PRICKLE1: variants seen among roughly 807,000 people sequenced by gnomAD.
PRICKLE1 encodes the protein prickle planar cell polarity protein 1, also known as prickle-like protein 1.
A neutral mutation model predicts 70.2 loss-of-function variants in PRICKLE1; 14 were observed. That is an observed-to-expected ratio of 0.20 (90% CI 0.13 to 0.31). PRICKLE1 has a LOEUF of 0.31. Among genes scored for constraint, PRICKLE1 ranks in the 10% least tolerant of loss-of-function variants. The pLI, the probability that PRICKLE1 is intolerant of heterozygous loss-of-function variation, is 1.00. For missense variants in PRICKLE1, 821 were observed against 1,026.2 expected (o/e 0.80, Z 2.73); for synonymous variants, 357 against 379.9 (o/e 0.94, Z 0.70).
chr12:42,488,474 A>G (rs1461880603), intron 1 of PRICKLE1, among the ~76,000 whole-genome samples: 1 of 152,204 alleles, frequency 6.6e-6, no homozygotes. Flanking sequence ...AATGTTTGTT[A>G]CTTTTCATGA....
chr12:42,518,450 A>G (rs531384156), intron 1 of PRICKLE1, among the ~76,000 whole-genome samples: 3 of 152,342 alleles, frequency 2.0e-5, no homozygotes, highest in Admixed American at 2.0e-4. Flanking sequence ...TCTTTCCCTA[A>G]TAAGCACAAA....
At chr12:42,544,318 T>C (rs1940170101) in intron 1 of PRICKLE1, among the ~76,000 whole-genome samples, 1 of 152,256 alleles carries the variant, frequency 6.6e-6, no homozygotes, top group Non-Finnish European at 1.5e-5. Flanking sequence ...TAGCTAATTA[T>C]ATAGTAGATG....
Position 42,561,905 on chromosome 12 carries a change from C to CTT in PRICKLE1, c.-49+27558_-49+27559dup, listed in dbSNP as rs60450733. ...GTTCCACTAATTTTCTTTTTCTTTT[C>CTT]TTTTTTTTTTTTTTTTTTTTTTTCC... On this transcript the variant is annotated intron_variant, in intron 1 of 7. Transcript: ENST00000345127. Among the ~76,000 whole-genome samples the CTT allele has an allele frequency of 2.5e-4, 22 of 87,210 alleles. No homozygotes were observed. The South Asian group carries it at 6.1e-3, about 24-fold the overall frequency. 57.2% of individuals were successfully genotyped at this position (87,210 alleles called of 152,430 possible).
At chr12:42,461,125 C>T (rs1937815983) in intron 7 of PRICKLE1, among the ~76,000 whole-genome samples, 1 of 152,200 alleles carries the variant, frequency 6.6e-6, no homozygotes, top group South Asian at 2.1e-4. Context: ...AGGTGATCCA[C>T]CCACCTCGGC....
chr12:42,519,164 GC>G, intron 1 of PRICKLE1, among the ~76,000 whole-genome samples: 1 of 139,992 alleles, frequency 7.1e-6, no homozygotes. Context: ...CCACAGTGTT[GC>G]TTTACTGAAT....
intron 1 of PRICKLE1, among the ~76,000 whole-genome samples, chr12:42,518,682 T>G (rs1020131831): frequency 2.6e-5 from 4 of 152,246 alleles, no homozygotes; most frequent in African/African-American, 4.8e-5. Context: ...AGTTGTAAGA[T>G]GAAATTTAAT....
intron 1 of PRICKLE1, among the ~76,000 whole-genome samples, chr12:42,518,988 G>A (rs1035808316): frequency 1.3e-5 from 2 of 152,106 alleles, no homozygotes; most frequent in African/African-American, 4.8e-5. Flanking sequence ...TTAATTCTCA[G>A]TTTTATTTAG....
At chr12:42,583,157 GT>G (rs1940931371) in intron 1 of PRICKLE1, among the ~76,000 whole-genome samples, 2 of 151,806 alleles carry the variant, frequency 1.3e-5, no homozygotes, top group African/African-American at 4.8e-5. Flanking sequence ...ACGTGTGTGT[GT>G]GTGTGTGTGT....
intron 1 of PRICKLE1, among the ~76,000 whole-genome samples, chr12:42,512,542 T>G (rs1433263073): frequency 6.6e-6 from 1 of 152,214 alleles, no homozygotes; most frequent in Non-Finnish European, 1.5e-5. Context: ...TGTGTCTACC[T>G]TATTTAAAAC....
At chr12:42,537,613 T>C (rs990893884) in intron 1 of PRICKLE1, among the ~76,000 whole-genome samples, 1 of 152,260 alleles carries the variant, frequency 6.6e-6, no homozygotes, top group Non-Finnish European at 1.5e-5. Flanking sequence ...ATTCAACAAA[T>C]ATTTAATGAG....
rs1054300325 is a variant in PRICKLE1, at chr12:42,589,309, T to G, written c.-49+156A>C. The G allele has an allele frequency of 6.6e-6, 1 of 152,296 alleles. No individual in the cohort carries two copies. Among genetic ancestry groups the G allele is most frequent in the Non-Finnish European group, 1.5e-5 (1 of 68,134 alleles). The allele number at this position is 152,296 out of a possible 1,614,324, so 9.4% of individuals were successfully genotyped here. On this transcript the variant is annotated intron_variant, in intron 1 of 7. Transcript: ENST00000345127. This position sits in a 1 kb window ranked among gnomAD's most constrained non-coding sequence, Gnocchi z 5.0. ...ACAGCCCAACAAACCGATTATGACC[T>G]TCTCCCTGATCTTCTGCGACACCGA...
chr12:42,527,933 A>C (rs1457880392), intron 1 of PRICKLE1, among the ~76,000 whole-genome samples: 661 of 11,306 alleles, frequency 0.058, 83 homozygotes, highest in East Asian at 0.21. Context: ...ATATATATAT[A>C]TATATATATA....
chr12:42,500,353 A>G (rs1389259684), intron 1 of PRICKLE1, among the ~76,000 whole-genome samples: 4 of 152,214 alleles, frequency 2.6e-5, no homozygotes, highest in Non-Finnish European at 5.9e-5. Flanking sequence ...GAAGATCTTT[A>G]TATAATAGTT....
At chr12:42,479,408 C>T (rs1395174212) in intron 1 of PRICKLE1, among the ~76,000 whole-genome samples, 2 of 152,238 alleles carry the variant, frequency 1.3e-5, no homozygotes, top group East Asian at 1.9e-4. Flanking sequence ...TGCGTGCACA[C>T]ATTCGCACAC....
chr12:42,514,887 C>CTCTATCTATCTATCATCTATCTATCTA (rs753352201), intron 1 of PRICKLE1, among the ~76,000 whole-genome samples: 1 of 139,678 alleles, frequency 7.2e-6, no homozygotes, highest in African/African-American at 2.8e-5. Flanking sequence ...TTAAGGCTCG[C>CTCTATCTATCTATCATCTATCTATCTA]TCTATCTATC....
At chr12:42,483,951 C>T (rs1938910265) in intron 1 of PRICKLE1, 1 of 139,492 alleles carries the variant, frequency 7.2e-6, no homozygotes, top group Non-Finnish European at 1.5e-5. Flanking sequence ...AACTCGTCTC[C>T]GCTCAGCGCC....
chr12:42,518,145 G>A (rs1386056351), intron 1 of PRICKLE1, among the ~76,000 whole-genome samples: 1 of 151,986 alleles, frequency 6.6e-6, no homozygotes. Context: ...GTCACCCAGG[G>A]TGATCCTACT....
chr12:42,554,961 T>C (rs1231302978), intron 1 of PRICKLE1, among the ~76,000 whole-genome samples: 1 of 152,074 alleles, frequency 6.6e-6, no homozygotes, highest in Non-Finnish European at 1.5e-5. Flanking sequence ...CATTTAAGTG[T>C]TGCTTTGGGT....
intron 1 of PRICKLE1, among the ~76,000 whole-genome samples, chr12:42,576,799 C>T (rs559285825): frequency 6.6e-6 from 1 of 152,114 alleles, no homozygotes; most frequent in Non-Finnish European, 1.5e-5. Context: ...TGAACAAGAC[C>T]TGAGGTCCTA....
Sources: allele counts gnomAD v4.1 joint callset (sites outside exome capture counted in the v4.1 genomes callset), GRCh38; gene constraint gnomAD v4.1.1; non-coding constraint Gnocchi (gnomAD v3.1); transcripts MANE v1.5; gene names NCBI Gene and HGNC (gene_info 2026-07-23, HGNC 2026-07-21).